The following FYCO1 variants were observed in gnomAD, a reference collection of about 807,000 sequenced individuals.
The protein encoded by FYCO1 is FYVE and coiled-coil domain autophagy adaptor 1.
Under a neutral mutation model 165.1 loss-of-function variants are expected in FYCO1, and 122 were observed. The ratio of observed to expected loss-of-function variants is 0.74; its 90% CI spans 0.64 to 0.86. The LOEUF (loss-of-function observed/expected upper bound fraction) is 0.86, where lower values mean the gene tolerates loss of function less well. Ranked by LOEUF, FYCO1 falls within the 40% of genes least tolerant of loss-of-function variation. The pLI is 0.00. For synonymous variants in FYCO1, 648 were observed against 742.5 expected, an observed-to-expected ratio of 0.87 and a Z score of 2.07; for missense variants, 1,702 against 1,810.3, an observed-to-expected ratio of 0.94 and a Z score of 1.09.
intron 17 of FYCO1, among the ~76,000 whole-genome samples, chr3:45,923,415 G>A (rs889603366): frequency 2.0e-5 from 3 of 152,194 alleles, no homozygotes; most frequent in African/African-American, 7.2e-5. Flanking sequence ...CTGGCTCTGT[G>A]ACTTAGGAGT....
At chr3:45,992,413 T>G (rs757081034) in intron 1 of FYCO1, among the ~76,000 whole-genome samples, 4 of 152,192 alleles carry the variant, frequency 2.6e-5, no homozygotes, top group Non-Finnish European at 4.4e-5. Flanking sequence ...CAAGATATTT[T>G]CTTCTCTCTT....
intron 14 of FYCO1, among the ~76,000 whole-genome samples, chr3:45,939,652 C>T (rs891824104): frequency 2.0e-5 from 3 of 152,128 alleles, no homozygotes; most frequent in African/African-American, 7.2e-5. Flanking sequence ...CCAGAGGGTG[C>T]CATCTCCCCT....
intron 5 of FYCO1, 149 bp downstream of exon 5, chr3:45,975,090 G>T: frequency 1.4e-6 from 1 of 723,356 alleles, no homozygotes; most frequent in East Asian, 2.7e-5. Context: ...TGGGAGGAGG[G>T]GTGGAAGACA....
chr3:45,932,349 C>T (rs1196851278), intron 15 of FYCO1, among the ~76,000 whole-genome samples: 4 of 152,200 alleles, frequency 2.6e-5, no homozygotes, highest in African/African-American at 4.8e-5. Flanking sequence ...GGGAAGGTGG[C>T]GGCCATCATA....
At chr3:45,945,581 C>G (rs956362974) in intron 14 of FYCO1, 3 of 152,194 alleles carry the variant, frequency 2.0e-5, no homozygotes, top group African/African-American at 7.2e-5. Context: ...AATGAGGCCC[C>G]TAAGTCCTAA....
At chr3:45,959,634 T>G in intron 11 of FYCO1, 92 bp from the exon 12 acceptor site, 4 of 1,366,052 alleles carry the variant, frequency 2.9e-6, no homozygotes, top group Non-Finnish European at 4.1e-6. Flanking sequence ...GTATCAAATT[T>G]CCTAAGTCAT....
rs1052712011 is a variant in FYCO1, at chr3:45,958,389, G to A, written c.3799+19C>T. 8.1e-6 allele frequency: 13 copies of A among 1,606,648 alleles called. No homozygotes were observed. The highest frequency in any genetic ancestry group is 1.1e-5 in the Non-Finnish European group (13 of 1,175,512). On this transcript the variant is annotated intron_variant, in intron 13 of 17. Coordinates refer to ENST00000296137, the MANE Select transcript of FYCO1 (RefSeq NM_024513.4). ...TGGCACCTAGAGAACATAGTAGGCA[G>A]TAGTAGCAGGAGACTGACCTTGGCC...
At chr3:45,944,223 T>G (rs931957236) in intron 14 of FYCO1, among the ~76,000 whole-genome samples, 1 of 152,032 alleles carries the variant, frequency 6.6e-6, no homozygotes, top group African/African-American at 2.4e-5. Flanking sequence ...TGTGTATATA[T>G]ATATACATTA....
At chr3:45,929,389 G>A in intron 16 of FYCO1, among the ~76,000 whole-genome samples, 1 of 152,198 alleles carries the variant, frequency 6.6e-6, no homozygotes, top group East Asian at 1.9e-4. Flanking sequence ...AAGGGGAGAG[G>A]CCCACAGCCC....
intron 14 of FYCO1, chr3:45,947,350 T>C (rs1704686542): frequency 6.2e-7 from 1 of 1,614,096 alleles, no homozygotes; most frequent in Non-Finnish European, 8.5e-7. Context: ...CTCTATGCCT[T>C]TGTCAGCCTG....
At chr3:45,931,402 T>G in intron 15 of FYCO1, 121 bp from the exon 16 acceptor site, 1 of 877,006 alleles carries the variant, frequency 1.1e-6, no homozygotes, top group African/African-American at 1.7e-5. Context: ...GGACAAGCCC[T>G]GGGTAACCTT....
At chr3:45,965,961 T>A (rs1481828813) in intron 8 of FYCO1, among the ~76,000 whole-genome samples, 1 of 152,230 alleles carries the variant, frequency 6.6e-6, no homozygotes, top group East Asian at 1.9e-4. Context: ...CAAACTATAT[T>A]TGTAAACACC....
intron 1 of FYCO1, among the ~76,000 whole-genome samples, chr3:45,988,289 C>T (rs1024935383): frequency 1.3e-5 from 2 of 152,202 alleles, no homozygotes; most frequent in African/African-American, 4.8e-5. Context: ...TCCTCCGTCT[C>T]GGTCTGAGGT....
At chr3:45,944,432 A>G (rs1704451634) in intron 14 of FYCO1, among the ~76,000 whole-genome samples, 1 of 152,200 alleles carries the variant, frequency 6.6e-6, no homozygotes, top group Admixed American at 6.5e-5. Context: ...ATCAGTAAAA[A>G]TACTTCCTAA....
Position 45,936,481 on chromosome 3 carries a change from G to T in FYCO1, c.4007C>A (p.Ser1336Ter). The change falls in exon 15 of 18, where the codon TCG becomes TAG. Residue 1336 changes from serine (S) to a stop codon, truncating the protein, a stop_gained. Transcript: ENST00000296137. LOFTEE classifies it high-confidence loss of function. ...TCCAGACTTCAGCAGGCAGATTTCC[G>T]AATCCTGCCCCACGGGCATGTCTTC... is the stretch of plus-strand genomic sequence containing the variant. ...DTEDMPVGQD[S>*]EICLLKSGEL... 2 of 1,613,992 alleles carry T rather than the reference G, an allele frequency of 1.2e-6. No individual in the cohort carries two copies. Among genetic ancestry groups the T allele is most frequent in the Non-Finnish European group, 1.7e-6 (2 of 1,179,864 alleles).
chr3:45,962,190 G>A lies in FYCO1; in HGVS notation c.3437+35C>T, dbSNP rs1387002557. On this transcript the variant is annotated intron_variant, in intron 11 of 17. Coordinates refer to ENST00000296137, the MANE Select transcript of FYCO1 (RefSeq NM_024513.4). The surrounding 1 kb of genome is among the most constrained non-coding windows in gnomAD (Gnocchi z 4.4). The stretch of plus-strand genomic sequence containing the variant: ...CTTTAGAGAAAAACCCCAGTGTGGG[G>A]AAAACCCCAGCTGCTGGTTTGACAC... The A allele has an allele frequency of 1.9e-6, 3 of 1,611,958 alleles. No homozygotes were observed. The highest frequency in any genetic ancestry group is 2.5e-6 in the Non-Finnish European group (3 of 1,178,022).
intron 11 of FYCO1, 151 bp from the exon 12 acceptor site, chr3:45,959,693 A>G: frequency 1.2e-6 from 1 of 835,384 alleles, no homozygotes; most frequent in Non-Finnish European, 2.0e-6. Flanking sequence ...GCCCATGCTA[A>G]GTCTCCTCCA....
chr3:45,930,687 A>C (rs1015097364), intron 16 of FYCO1, among the ~76,000 whole-genome samples: 2 of 152,226 alleles, frequency 1.3e-5, no homozygotes, highest in African/African-American at 4.8e-5. Context: ...CCTAAGCTAA[A>C]AACTAGAGGA....
intron 15 of FYCO1, among the ~76,000 whole-genome samples, chr3:45,932,647 T>G (rs908339779): frequency 6.6e-6 from 1 of 152,188 alleles, no homozygotes; most frequent in African/African-American, 2.4e-5. Flanking sequence ...TGAGCGTTCA[T>G]CTGCCTCCAA....
Sources: allele counts gnomAD v4.1 joint callset (sites outside exome capture counted in the v4.1 genomes callset), GRCh38; gene constraint gnomAD v4.1.1; non-coding constraint Gnocchi (gnomAD v3.1); transcripts MANE v1.5; gene names NCBI Gene and HGNC (gene_info 2026-07-23, HGNC 2026-07-21).